PCDHA13: variants seen among roughly 807,000 people sequenced by gnomAD.
PCDHA13 encodes the protein protocadherin alpha-13.
In PCDHA13, 54 loss-of-function variants were observed where a neutral mutation model predicts 64.8. That is an observed-to-expected ratio of 0.83 (90% confidence interval 0.67 to 1.04). The LOEUF (loss-of-function observed/expected upper bound fraction) is 1.04. PCDHA13 is among the 50% of genes least tolerant of loss of function. The probability of loss-of-function intolerance (pLI) is 0.00; values close to 1 mark genes in which losing one functional copy is unlikely to be tolerated. For synonymous variants in PCDHA13, 587 were observed against 564.4 expected (o/e 1.04, Z -0.57); for missense variants, 1,248 against 1,254.3 (o/e 0.99, Z 0.08).
intron 3 of PCDHA13, among the ~76,000 whole-genome samples, chr5:140,990,610 C>T (rs781969043): frequency 4.6e-5 from 7 of 152,080 alleles, no homozygotes; most frequent in African/African-American, 9.7e-5. Flanking sequence ...AGATGAATAC[C>T]GTAAAGGTCT....
intron 1 of PCDHA13, chr5:140,968,033 G>A (rs1554230222): frequency 6.2e-7 from 1 of 1,614,074 alleles, no homozygotes; most frequent in African/African-American, 1.3e-5. Context: ...TACACTGGTG[G>A]TGAGCGGCCC....
chr5:140,931,304 G>C (rs1218460625), intron 1 of PCDHA13, among the ~76,000 whole-genome samples: 1 of 152,056 alleles, frequency 6.6e-6, no homozygotes, highest in African/African-American at 2.4e-5. Context: ...CAAAAAGAGA[G>C]GAGAATACCA....
chr5:140,937,911 C>CAA lies in PCDHA13; in HGVS notation c.2395-41023_2395-41022dup, dbSNP rs200797202. On this transcript the variant is annotated intron_variant, in intron 1 of 3. Transcript: ENST00000289272. Reference sequence around the variant, plus strand: ...TGGGCGACAGAGTGAGACTCCGTCTCAAAAAAAAAAAAAAAAGTTTAATTT... The same window carrying CAA: ...TGGGCGACAGAGTGAGACTCCGTCTCAAAAAAAAAAAAAAAAAAGTTTAATTT... Among the ~76,000 whole-genome samples, 8 of 117,946 alleles carry CAA rather than the reference C, an allele frequency of 6.8e-5. No individual in the cohort carries two copies. In the East Asian group the frequency reaches 1.1e-3, roughly 17 times the overall value. The allele number at this position is 117,946 out of a possible 152,430, so 77.4% of individuals were successfully genotyped here.
chr5:141,010,296 G>C lies in PCDHA13; in HGVS notation c.*359G>C. On this transcript the variant is annotated 3_prime_UTR_variant, in exon 4 of 4. Transcript: ENST00000289272. ...CTGTCTTGATGACACTTGCAGGGCA[G>C]GCTGAAAAGTTTTGAGATTGAGCAG... The C allele has an allele frequency of 1.3e-6, 2 of 1,549,428 alleles. No individual in the cohort carries two copies. The highest frequency in any genetic ancestry group is 1.7e-6 in the Non-Finnish European group (2 of 1,146,352).
At chr5:140,928,475 G>A (rs369473809) in intron 1 of PCDHA13, 1 of 1,614,136 alleles carries the variant, frequency 6.2e-7, no homozygotes, top group African/African-American at 1.3e-5. Context: ...GTAGAAGGCC[G>A]GGATGGTGGC....
rs1351145867 is a variant in PCDHA13, at chr5:141,012,314, G to T, written c.*2377G>T. On this transcript the variant is annotated 3_prime_UTR_variant, in exon 4 of 4. Coordinates refer to ENST00000289272, the MANE Select transcript of PCDHA13 (RefSeq NM_018904.3). ...AATTGGTGCTATTGGTATTTCCTCTGTTATTGCTAATAAATGAAAATGGTG... is the reference window on the plus strand; with the variant it reads ...AATTGGTGCTATTGGTATTTCCTCTTTTATTGCTAATAAATGAAAATGGTG... The T allele has an allele frequency of 6.5e-6, 1 of 153,728 alleles. No individual in the cohort carries two copies. The highest frequency in any genetic ancestry group is 2.4e-5 in the African/African-American group (1 of 41,440). 9.5% of individuals were successfully genotyped at this position (153,728 alleles called of 1,614,324 possible). A position where few individuals can be genotyped will look rare whatever the true frequency, so the allele number is the denominator to read the frequency against.
chr5:140,930,841 A>T (rs2087150671), intron 1 of PCDHA13, among the ~76,000 whole-genome samples: 1 of 152,230 alleles, frequency 6.6e-6, no homozygotes, highest in South Asian at 2.1e-4. Context: ...ATGAATAAAT[A>T]TGTGCATATA....
At chr5:140,978,301 C>T (rs1554239160) in intron 1 of PCDHA13, among the ~76,000 whole-genome samples, 1 of 152,168 alleles carries the variant, frequency 6.6e-6, no homozygotes, top group Admixed American at 6.5e-5. Flanking sequence ...GGAAAGCACT[C>T]AGGAAGGAGC....
At chr5:140,979,571 G>A (rs2096856939) in intron 2 of PCDHA13, among the ~76,000 whole-genome samples, 1 of 152,154 alleles carries the variant, frequency 6.6e-6, no homozygotes. Flanking sequence ...GCCATGTAAA[G>A]GGCTCCAAAT....
At chr5:140,966,763 G>C (rs1020607410) in intron 1 of PCDHA13, 1 of 1,470,370 alleles carries the variant, frequency 6.8e-7, no homozygotes, top group Non-Finnish European at 9.0e-7. Flanking sequence ...CGCGGCCAGT[G>C]GCTATGGAGC....
At chr5:140,929,481 A>G (rs1192778322) in intron 1 of PCDHA13, 4 of 1,195,836 alleles carry the variant, frequency 3.3e-6, no homozygotes, top group Non-Finnish European at 4.5e-6. Flanking sequence ...GGAAGTATAG[A>G]AGTATTAGAA....
At chr5:140,924,901 A>AAAAAAATAAAT (rs369245222) in intron 1 of PCDHA13, among the ~76,000 whole-genome samples, 34 of 80,504 alleles carry the variant, frequency 4.2e-4, no homozygotes, top group Non-Finnish European at 7.7e-4. Context: ...TCTCAAAAAA[A>AAAAAAATAAAT]AAAATAAAAT....
chr5:140,967,565 C>A, intron 1 of PCDHA13: 1 of 1,614,080 alleles, frequency 6.2e-7, no homozygotes, highest in Non-Finnish European at 8.5e-7. Context: ...CGTCCAGCTA[C>A]GGGAGGACTC....
chr5:140,911,693 CAAAT>C, intron 1 of PCDHA13, among the ~76,000 whole-genome samples: 1 of 152,156 alleles, frequency 6.6e-6, no homozygotes, highest in East Asian at 1.9e-4. Flanking sequence ...TCAGGAGTGT[CAAAT>C]GAATTTATTT....
At chr5:141,000,643 G>A (rs2097954450) in intron 3 of PCDHA13, among the ~76,000 whole-genome samples, 1 of 151,102 alleles carries the variant, frequency 6.6e-6, no homozygotes, top group Non-Finnish European at 1.5e-5. Context: ...GGGCAGGCTG[G>A]TCTCGAACTC....
At chr5:140,998,148 A>G (rs1229553205) in intron 3 of PCDHA13, among the ~76,000 whole-genome samples, 10 of 152,234 alleles carry the variant, frequency 6.6e-5, no homozygotes, top group Admixed American at 6.5e-4. Flanking sequence ...TGTACTGAAC[A>G]GTTAAGCCAT....
chr5:140,969,585 T>A (rs2096344806), intron 1 of PCDHA13: 1 of 896,450 alleles, frequency 1.1e-6, no homozygotes, highest in Admixed American at 3.0e-5. Flanking sequence ...TGAGGATTAG[T>A]CTTAATATTT....
chr5:140,891,956 G>T (rs528674370), intron 1 of PCDHA13, among the ~76,000 whole-genome samples: 1 of 152,344 alleles, frequency 6.6e-6, no homozygotes, highest in South Asian at 2.1e-4. Flanking sequence ...CCAGAATTGT[G>T]AGAAGTAAAT....
At chr5:140,997,563 A>G (rs891862395) in intron 3 of PCDHA13, among the ~76,000 whole-genome samples, 7 of 152,202 alleles carry the variant, frequency 4.6e-5, no homozygotes, top group Non-Finnish European at 8.8e-5. Context: ...GACAACTGTC[A>G]TATGTGTGGT....
Sources: allele counts gnomAD v4.1 joint callset (sites outside exome capture counted in the v4.1 genomes callset), GRCh38; gene constraint gnomAD v4.1.1; transcripts MANE v1.5; gene names NCBI Gene and HGNC (gene_info 2026-07-23, HGNC 2026-07-21).